The following TRAPPC13 variants were observed in gnomAD, a reference collection of about 807,000 sequenced individuals.
The protein encoded by TRAPPC13 is REV7-interacting novel NHEJ regulator 1.
In TRAPPC13, 39 loss-of-function variants were observed where a neutral mutation model predicts 54.0. The observed-to-expected ratio is 0.72, with a 90% CI of 0.56 to 0.94. The LOEUF is 0.94. Among genes scored for constraint, TRAPPC13 ranks in the 40% least tolerant of loss-of-function variants. The pLI is 0.00. For missense variants in TRAPPC13, 386 were observed against 488.1 expected (o/e 0.79, Z 1.97); for synonymous variants, 148 against 167.7 (o/e 0.88, Z 0.91).
chr5:65,638,756 G>A (rs575482470), intron 4 of TRAPPC13, among the ~76,000 whole-genome samples: 36 of 152,328 alleles, frequency 2.4e-4, no homozygotes, highest in Admixed American at 9.8e-4. Context: ...GGCAAAGAGA[G>A]AGAGCTTGTG....
intron 7 of TRAPPC13, 97 bp downstream of exon 7, chr5:65,652,642 CCAA>C (rs1245393114): frequency 3.5e-6 from 3 of 862,662 alleles, no homozygotes; most frequent in South Asian, 1.3e-5. Flanking sequence ...AAGCAAATCG[CCAA>C]CGTGACTGTA....
At chr5:65,664,434 A>C (rs1227440187) in intron 12 of TRAPPC13, 50 bp downstream of exon 12, 12 of 1,604,608 alleles carry the variant, frequency 7.5e-6, no homozygotes, top group Non-Finnish European at 7.7e-6. Flanking sequence ...TTAACTTACA[A>C]GTCATTTGTG....
chr5:65,646,961 C>G (rs1315569831), intron 4 of TRAPPC13, 94 bp from the exon 5 acceptor site: 2 of 1,180,248 alleles, frequency 1.7e-6, no homozygotes, highest in Non-Finnish European at 2.3e-6. Context: ...TTTCCTAATT[C>G]TTATTCCCCT....
rs1756931820 is a variant in TRAPPC13, at chr5:65,663,961, CACCAGGAGGCCAGTGTTGAGTAATAGA to C, written c.999-270_999-244del. ...CAGAAAAATGGTAGCACCAGATCAG[CACCAGGAGGCCAGTGTTGAGTAATAGA>C]ACCAGAAGGCCAACATCCAGACAGG... is the stretch of plus-strand genomic sequence containing the variant. On this transcript the variant is annotated intron_variant, in intron 11 of 12. Coordinates refer to ENST00000399438, the MANE Select transcript of TRAPPC13 (RefSeq NM_024941.4). The C allele has an allele frequency of 8.7e-6, 3 of 343,998 alleles. No individual in the cohort carries two copies. In the East Asian group the frequency reaches 1.7e-4, roughly 19 times the overall value. 21.3% of individuals were successfully genotyped at this position (343,998 alleles called of 1,614,324 possible). A position where few individuals can be genotyped will look rare whatever the true frequency, so the allele number is the denominator to read the frequency against.
At chr5:65,663,271 CAT>C (rs1756906196) in intron 11 of TRAPPC13, 1 of 152,076 alleles carries the variant, frequency 6.6e-6, no homozygotes, top group Non-Finnish European at 1.5e-5. Context: ...CTAAAAAGCA[CAT>C]GTCTCTTAGA....
chr5:65,648,907 A>T (rs16894165), intron 5 of TRAPPC13, among the ~76,000 whole-genome samples: 1 of 152,086 alleles, frequency 6.6e-6, no homozygotes, highest in Non-Finnish European at 1.5e-5. Flanking sequence ...CACAATAGAC[A>T]GTATTTTTTG....
At chr5:65,637,563 G>A (rs982973788) in intron 3 of TRAPPC13, 133 bp from the exon 4 acceptor site, 25 of 457,798 alleles carry the variant, frequency 5.5e-5, no homozygotes, top group South Asian at 9.2e-5. Flanking sequence ...CATGGGAGGC[G>A]GAGTTTGCAG....
intron 1 of TRAPPC13, 36 bp downstream of exon 1, chr5:65,625,142 T>C (rs950488106): frequency 1.3e-6 from 2 of 1,556,726 alleles, no homozygotes; most frequent in Non-Finnish European, 1.8e-6. Context: ...CCTTTTCTGT[T>C]TCCTTGCATT....
Position 65,637,803 on chromosome 5 carries a change from A to T in TRAPPC13, c.300+23A>T, listed in dbSNP as rs573495158. 190 of 1,431,132 alleles carry T rather than the reference A, an allele frequency of 1.3e-4. 1 individual carries two copies. The South Asian group carries it at 2.1e-3, about 16-fold the overall frequency. The allele number at this position is 1,431,132 out of a possible 1,614,324, so 88.7% of individuals were successfully genotyped here. A position where few individuals can be genotyped will look rare whatever the true frequency, so the allele number is the denominator to read the frequency against. ...AAAGTAAGTAACATTCTTACTTGGG[A>T]TGTATTTTAGTCTTTAACAAAGGTT... On this transcript the variant is annotated intron_variant, in intron 4 of 12. Coordinates refer to ENST00000399438, the MANE Select transcript of TRAPPC13 (RefSeq NM_024941.4).
chr5:65,625,882 CAAT>C (rs1353563297), intron 1 of TRAPPC13: 1 of 152,180 alleles, frequency 6.6e-6, no homozygotes, highest in African/African-American at 2.4e-5. Flanking sequence ...AGGAAATGCT[CAAT>C]AAACATTCGG....
At chr5:65,641,533 G>A (rs779060116) in intron 4 of TRAPPC13, among the ~76,000 whole-genome samples, 3 of 151,846 alleles carry the variant, frequency 2.0e-5, no homozygotes, top group South Asian at 2.1e-4. Flanking sequence ...TATAATGATC[G>A]ATGTCCCTAC....
intron 1 of TRAPPC13, among the ~76,000 whole-genome samples, chr5:65,626,499 G>A (rs956859571): frequency 1.3e-5 from 2 of 152,176 alleles, no homozygotes; most frequent in African/African-American, 2.4e-5. Context: ...AGCAGTTTGG[G>A]AGGCCAAGGC....
At chr5:65,644,536 C>T (rs1200199830) in intron 4 of TRAPPC13, among the ~76,000 whole-genome samples, 1 of 152,202 alleles carries the variant, frequency 6.6e-6, no homozygotes, top group East Asian at 1.9e-4. Context: ...ACATATTCAA[C>T]AGAAAGCCAA....
Position 65,664,357 on chromosome 5 carries a change from T to C in TRAPPC13, c.1119T>C (p.Thr373=). 6.2e-7 allele frequency: 1 copy of C among 1,613,734 alleles called. No individual in the cohort carries two copies. Among genetic ancestry groups the C allele is most frequent in the Non-Finnish European group, 8.5e-7 (1 of 1,179,816 alleles). The stretch of plus-strand genomic sequence containing the variant: ...GTTCTTCGCTCTGTCTTGCCCTTAC[T>C]CTGCTTTCTTCAGTACAGGGACTGC... ...HPSSSLCLAL[T]LLSSVQGLQS... is the part of the protein sequence containing the mutation. Residue 373 remains threonine (T), a synonymous_variant, in exon 12 of 13, where the codon ACT becomes ACC. Transcript: ENST00000399438.
At chr5:65,659,984 AAAAAAAGAAG>A (rs1339295837) in intron 9 of TRAPPC13, among the ~76,000 whole-genome samples, 3 of 149,880 alleles carry the variant, frequency 2.0e-5, no homozygotes, top group African/African-American at 7.5e-5. Context: ...AAAAAAAAAA[AAAAAAAGAAG>A]AAGAAGAAGA....
At position 65,630,261 on chromosome 5, in the gene TRAPPC13, GTCT is replaced by G. The variant is rs763001593; in HGVS notation, c.47-5035_47-5033del. 4.6e-6 allele frequency: 7 copies of G among 1,535,470 alleles called. No individual in the cohort carries two copies. In the South Asian group the frequency reaches 6.0e-5, roughly 13 times the overall value. On this transcript the variant is annotated intron_variant, in intron 1 of 12. Transcript: ENST00000399438. The stretch of plus-strand genomic sequence containing the variant: ...ATTATGTATTGTGAATATGTGGGAA[GTCT>G]TCTTAAAGGAAGATTAGCTCTTACT...
intron 4 of TRAPPC13, among the ~76,000 whole-genome samples, chr5:65,642,335 A>T (rs1266904631): frequency 3.3e-5 from 5 of 150,696 alleles, no homozygotes; most frequent in African/African-American, 1.2e-4. Flanking sequence ...AAAAAAAAAA[A>T]TTTCTTGTAT....
At chr5:65,633,510 C>T (rs924433324) in intron 1 of TRAPPC13, among the ~76,000 whole-genome samples, 10 of 152,042 alleles carry the variant, frequency 6.6e-5, no homozygotes, top group South Asian at 2.1e-4. Flanking sequence ...CCTCGTGATC[C>T]GCCCGCCTCG....
chr5:65,656,976 C>G (rs769493081), intron 8 of TRAPPC13, among the ~76,000 whole-genome samples: 2 of 152,086 alleles, frequency 1.3e-5, no homozygotes, highest in Non-Finnish European at 2.9e-5. Flanking sequence ...ACTAGGGAGG[C>G]TGAGGCAGGA....
Sources: allele counts gnomAD v4.1 joint callset (sites outside exome capture counted in the v4.1 genomes callset), GRCh38; gene constraint gnomAD v4.1.1; transcripts MANE v1.5; gene names NCBI Gene and HGNC (gene_info 2026-07-23, HGNC 2026-07-21).